Variants in COX7B2 observed in about 807,000 individuals in gnomAD.
The protein encoded by COX7B2 is cytochrome c oxidase subunit 7B2.
For missense variants in COX7B2, 109 were observed against 95.9 expected, an observed-to-expected ratio of 1.14 and a Z score of -0.57; for synonymous variants, 37 against 32.1, an observed-to-expected ratio of 1.15 and a Z score of -0.51.
chr4:46,747,248 C>T (rs1173380166), intron 2 of COX7B2, among the ~76,000 whole-genome samples: 1 of 150,370 alleles, frequency 6.7e-6, no homozygotes, highest in Non-Finnish European at 1.5e-5. Flanking sequence ...TTATTCCCCT[C>T]TATGTGTCCA....
At chr4:46,772,847 C>T (rs1277425701) in intron 2 of COX7B2, among the ~76,000 whole-genome samples, 1 of 152,116 alleles carries the variant, frequency 6.6e-6, no homozygotes, top group Non-Finnish European at 1.5e-5. Context: ...GTAAAGCTAC[C>T]TATTTCCGTT....
At chr4:46,892,224 G>C (rs1227352731) in intron 1 of COX7B2, among the ~76,000 whole-genome samples, 1 of 152,168 alleles carries the variant, frequency 6.6e-6, no homozygotes, top group Non-Finnish European at 1.5e-5. Flanking sequence ...TTATGGTATA[G>C]ACTAAAAAGA....
At position 46,847,902 on chromosome 4, in the gene COX7B2, G is replaced by T. The variant is rs148279597; in HGVS notation, c.-104-2888C>A. ...CAGCCACTTCCACTCCAGCCTCAAG[G>T]TCCTCTATTTTACCCCCTCTTAGCA... is the stretch of plus-strand genomic sequence containing the variant. On this transcript the variant is annotated intron_variant, in intron 1 of 2. Coordinates refer to ENST00000355591, the MANE Select transcript of COX7B2 (RefSeq NM_130902.3). 3.9e-5 allele frequency among the ~76,000 whole-genome samples: 6 copies of T among 152,068 alleles called. No individual in the cohort carries two copies. The East Asian group carries it at 1.2e-3, about 30-fold the overall frequency.
chr4:46,749,423 C>T (rs923349140), intron 2 of COX7B2, among the ~76,000 whole-genome samples: 10 of 152,022 alleles, frequency 6.6e-5, no homozygotes, highest in African/African-American at 2.2e-4. Context: ...ATCTATTTTC[C>T]CAACTGCTAA....
At chr4:46,752,173 T>C (rs1715426853) in intron 2 of COX7B2, among the ~76,000 whole-genome samples, 1 of 152,158 alleles carries the variant, frequency 6.6e-6, no homozygotes, top group South Asian at 2.1e-4. Context: ...TTATTCTCTT[T>C]GAAGCAATTG....
At chr4:46,745,988 A>T (rs913216110) in intron 2 of COX7B2, among the ~76,000 whole-genome samples, 9 of 152,222 alleles carry the variant, frequency 5.9e-5, no homozygotes, top group Admixed American at 3.3e-4. Context: ...GTTAATTAGA[A>T]AAGTAAAATT....
chr4:46,820,829 A>AT (rs1361500683), intron 2 of COX7B2, among the ~76,000 whole-genome samples: 2 of 146,112 alleles, frequency 1.4e-5, no homozygotes, highest in African/African-American at 5.1e-5. Flanking sequence ...CTCAAAAAAA[A>AT]AAAAAATATA....
At chr4:46,794,533 T>C (rs1436792035) in intron 2 of COX7B2, among the ~76,000 whole-genome samples, 4 of 152,000 alleles carry the variant, frequency 2.6e-5, no homozygotes, top group Non-Finnish European at 5.9e-5. Context: ...CTATGAGAAA[T>C]AAATTTTTGA....
chr4:46,792,455 A>C (rs1236723563), intron 2 of COX7B2, among the ~76,000 whole-genome samples: 1 of 152,212 alleles, frequency 6.6e-6, no homozygotes, highest in Non-Finnish European at 1.5e-5. Flanking sequence ...CTGAGGCCTC[A>C]AACAGAAGAA....
chr4:46,837,430 G>A (rs1287899415), intron 2 of COX7B2, among the ~76,000 whole-genome samples: 1 of 151,930 alleles, frequency 6.6e-6, no homozygotes, highest in East Asian at 1.9e-4. Flanking sequence ...GACAAATAGT[G>A]TATGATTCTA....
Position 46,895,520 on chromosome 4 carries a change from G to GA in COX7B2, c.-105+13639dup, listed in dbSNP as rs945946171. On this transcript the variant is annotated intron_variant, in intron 1 of 2. Transcript: ENST00000355591. ...GAGAGTAAGAGGAAGAAGAAGAACA[G>GA]AAAAAAAATAACTATTGGGTACTAG... Among the ~76,000 whole-genome samples the GA allele has an allele frequency of 6.6e-5, 10 of 151,702 alleles. 1 individual carries two copies. Among genetic ancestry groups the GA allele is most frequent in the Admixed American group, 3.3e-4 (5 of 15,214 alleles).
intron 2 of COX7B2, among the ~76,000 whole-genome samples, chr4:46,826,856 A>G (rs569776965): frequency 6.6e-6 from 1 of 152,210 alleles, no homozygotes; most frequent in Non-Finnish European, 1.5e-5. Flanking sequence ...ACTGGGATCT[A>G]CTAGCATGTG....
chr4:46,810,466 C>A (rs1177059716), intron 2 of COX7B2, among the ~76,000 whole-genome samples: 1 of 151,914 alleles, frequency 6.6e-6, no homozygotes, highest in African/African-American at 2.4e-5. Context: ...TATGTGGTCA[C>A]CATGAGGCTG....
rs113148039 is a variant in COX7B2, at chr4:46,852,563, T to TACACACACACACAC, written c.-104-7563_-104-7550dup. On this transcript the variant is annotated intron_variant, in intron 1 of 2. Coordinates refer to ENST00000355591, the MANE Select transcript of COX7B2 (RefSeq NM_130902.3). ...GGTTATATAAATATGAATACACAAA[T>TACACACACACACAC]ACACACACACACACACACACACACA... Among the ~76,000 whole-genome samples, 230 of 145,788 alleles carry TACACACACACACAC rather than the reference T, an allele frequency of 1.6e-3. 1 individual carries two copies. The highest frequency in any genetic ancestry group is 5.6e-3 in the African/African-American group (225 of 40,098).
chr4:46,878,004 A>C (rs1471521961), intron 1 of COX7B2, among the ~76,000 whole-genome samples: 1 of 150,080 alleles, frequency 6.7e-6, no homozygotes, highest in Non-Finnish European at 1.5e-5. Flanking sequence ...TGAATGAATA[A>C]AGAAATTGTA....
chr4:46,754,728 G>GTGTATATATATATATATATATGTATA (rs1333586285), intron 2 of COX7B2, among the ~76,000 whole-genome samples: 1 of 39,866 alleles, frequency 2.5e-5, no homozygotes, highest in African/African-American at 1.2e-4. Context: ...GTGTGTGTGT[G>GTGTATATATATATATATATATGTATA]TATATATATA....
chr4:46,831,230 C>G (rs1408934494), intron 2 of COX7B2, among the ~76,000 whole-genome samples: 1 of 152,124 alleles, frequency 6.6e-6, no homozygotes, highest in Admixed American at 6.5e-5. Context: ...TGCCGGCCCA[C>G]CAACGCAGCG....
At chr4:46,822,047 G>A (rs1714336509) in intron 2 of COX7B2, among the ~76,000 whole-genome samples, 1 of 152,132 alleles carries the variant, frequency 6.6e-6, no homozygotes, top group Non-Finnish European at 1.5e-5. Flanking sequence ...GAGTAGCTGG[G>A]ACTATAGGCG....
chr4:46,802,638 A>G (rs1394092748), intron 2 of COX7B2, among the ~76,000 whole-genome samples: 4 of 152,152 alleles, frequency 2.6e-5, no homozygotes, highest in African/African-American at 9.7e-5. Flanking sequence ...CTTGAGGGGT[A>G]CCTAGTTTGA....
Sources: allele counts gnomAD v4.1 joint callset (sites outside exome capture counted in the v4.1 genomes callset), GRCh38; gene constraint gnomAD v4.1.1; transcripts MANE v1.5; gene names NCBI Gene and HGNC (gene_info 2026-07-23, HGNC 2026-07-21).